SMG1: variants seen among roughly 807,000 people sequenced by gnomAD.
The protein encoded by SMG1 is SMG1 nonsense mediated mRNA decay associated PI3K related kinase.
SMG1 carries 22 observed loss-of-function variants against 419.9 expected under a neutral mutation model. That is an observed-to-expected ratio of 0.05 (90% CI 0.04 to 0.07). The LOEUF (loss-of-function observed/expected upper bound fraction) is 0.07, where lower values mean the gene tolerates loss of function less well. Ranked by LOEUF, SMG1 falls within the 10% of genes least tolerant of loss-of-function variation. The probability of loss-of-function intolerance (pLI) is 1.00; values close to 1 mark genes in which losing one functional copy is unlikely to be tolerated. For missense variants in SMG1, 3,185 were observed against 4,342.0 expected (o/e 0.73, Z 7.49); for synonymous variants, 1,538 against 1,553.5 (o/e 0.99, Z 0.23).
chr16:18,880,332 C>CA (rs886559201), intron 10 of SMG1, among the ~76,000 whole-genome samples: 52 of 152,148 alleles, frequency 3.4e-4, no homozygotes, highest in African/African-American at 1.2e-3. Context: ...GGGGAGAAAA[C>CA]AGAGCAAATG....
chr16:18,865,206 T>G (rs2035435955), intron 23 of SMG1, among the ~76,000 whole-genome samples: 1 of 152,210 alleles, frequency 6.6e-6, no homozygotes, highest in African/African-American at 2.4e-5. Context: ...ATGATCCATG[T>G]TTTAAAAAAT....
In SMG1 at chr16:18,877,252, A is replaced by C. The variant is rs547930663; in HGVS notation, c.1519-20T>G. ...AACAATCTAAAAGAATAAAATTTTTAAAAAATGAGCTTCTCCAATTACAAA... is the reference window on the plus strand; with the variant it reads ...AACAATCTAAAAGAATAAAATTTTTCAAAAATGAGCTTCTCCAATTACAAA... On this transcript the variant is annotated intron_variant, in intron 11 of 62. Coordinates refer to ENST00000446231, the MANE Select transcript of SMG1 (RefSeq NM_015092.5). 1 of 1,482,366 alleles carries C rather than the reference A, an allele frequency of 6.7e-7. No homozygotes were observed. The highest frequency in any genetic ancestry group is 1.4e-5 in the African/African-American group (1 of 71,426). 91.8% of individuals were successfully genotyped at this position (1,482,366 alleles called of 1,614,324 possible).
intron 49 of SMG1, 76 bp from the exon 50 acceptor site, chr16:18,834,514 T>C (rs2033425945): frequency 2.2e-6 from 3 of 1,364,732 alleles, no homozygotes; most frequent in Non-Finnish European, 3.0e-6. Context: ...GTCAAGGCCA[T>C]GCCTGTAATT....
intron 3 of SMG1, among the ~76,000 whole-genome samples, chr16:18,894,469 T>C (rs1418232253): frequency 6.6e-6 from 1 of 152,190 alleles, no homozygotes; most frequent in Non-Finnish European, 1.5e-5. Flanking sequence ...AGGAATTGTT[T>C]ACTGAACTAC....
chr16:18,873,664 C>T (rs114530172), intron 13 of SMG1, among the ~76,000 whole-genome samples: 16 of 152,330 alleles, frequency 1.1e-4, no homozygotes, highest in African/African-American at 3.1e-4. Context: ...CCATAGTTTG[C>T]CGATCTCTGG....
chr16:18,867,240 ACAATTTCTCCTGGC>A (rs1320383095), intron 22 of SMG1, among the ~76,000 whole-genome samples: 3 of 152,134 alleles, frequency 2.0e-5, no homozygotes, highest in Admixed American at 1.3e-4. Context: ...CGTTATAAAA[ACAATTTCTCCTGGC>A]CAAGTGCAGT....
chr16:18,829,233 T>C lies in SMG1; in HGVS notation c.9603+53A>G, dbSNP rs753636592. ...TATTGTTTTAAATTAATTTCCCCCA[T>C]TTTTCAAGTTTCCTACCTTGAGGAA... On this transcript the variant is annotated intron_variant, in intron 54 of 62. Transcript: ENST00000446231. The C allele has an allele frequency of 3.1e-5, 45 of 1,435,500 alleles. No individual in the cohort carries two copies. The Middle Eastern group carries it at 1.8e-3, about 57-fold the overall frequency. 88.9% of individuals were successfully genotyped at this position (1,435,500 alleles called of 1,614,324 possible). A position where few individuals can be genotyped will look rare whatever the true frequency, so the allele number is the denominator to read the frequency against.
chr16:18,843,630 C>T (rs2034053398), intron 39 of SMG1, among the ~76,000 whole-genome samples: 1 of 152,144 alleles, frequency 6.6e-6, no homozygotes. Context: ...TACACAAACA[C>T]ACACACAAAA....
At chr16:18,836,777 T>A (rs542980164) in intron 46 of SMG1, among the ~76,000 whole-genome samples, 2 of 152,234 alleles carry the variant, frequency 1.3e-5, no homozygotes, top group Non-Finnish European at 2.9e-5. Context: ...GGTTAGAGAC[T>A]GATGCTTGAC....
In SMG1 at chr16:18,920,863, C is replaced by T. The variant is rs200534712; in HGVS notation, c.92+5087G>A. ...TCAGAAAAAGAGAGAGGAAGCCAGG[C>T]ATGGTGGCTCACGTCTGTAATCCCA... is the stretch of plus-strand genomic sequence containing the variant. On this transcript the variant is annotated intron_variant, in intron 1 of 62. Transcript: ENST00000446231. 5.7e-4 allele frequency among the ~76,000 whole-genome samples: 87 copies of T among 151,856 alleles called. 1 individual carries two copies. The East Asian group carries it at 0.01, about 18-fold the overall frequency.
chr16:18,853,956 G>A, intron 30 of SMG1, 89 bp from the exon 31 acceptor site: 2 of 1,183,732 alleles, frequency 1.7e-6, no homozygotes, highest in Middle Eastern at 2.0e-4. Context: ...TATCAACATG[G>A]TGATGACACC....
intron 1 of SMG1, among the ~76,000 whole-genome samples, chr16:18,897,424 G>A (rs1377506409): frequency 1.3e-5 from 2 of 152,056 alleles, no homozygotes; most frequent in Non-Finnish European, 1.5e-5. Flanking sequence ...TGTCAGGGAC[G>A]GGCAATGTCT....
At chr16:18,878,781 G>C (rs1397249560) in intron 11 of SMG1, 2 of 152,732 alleles carry the variant, frequency 1.3e-5, no homozygotes, top group Non-Finnish European at 1.5e-5. Flanking sequence ...GCCAAGGCAG[G>C]TGGATTGCTT....
chr16:18,924,211 AAAC>A (rs1351326063), intron 1 of SMG1, among the ~76,000 whole-genome samples: 2 of 152,314 alleles, frequency 1.3e-5, no homozygotes, highest in South Asian at 2.1e-4. Flanking sequence ...CACTTGAAAG[AAAC>A]AACATGGATA....
chr16:18,918,814 C>A (rs562367812), intron 1 of SMG1, among the ~76,000 whole-genome samples: 1 of 152,112 alleles, frequency 6.6e-6, no homozygotes, highest in East Asian at 1.9e-4. Flanking sequence ...GTCAGGAGTT[C>A]AAGACCAGCC....
intron 38 of SMG1, 115 bp downstream of exon 38, chr16:18,847,338 T>C (rs1278670194): frequency 4.7e-6 from 5 of 1,062,368 alleles, no homozygotes; most frequent in Non-Finnish European, 7.0e-6. Flanking sequence ...ATGGTGAATG[T>C]ATTTAATGCC....
intron 13 of SMG1, among the ~76,000 whole-genome samples, chr16:18,873,219 G>A (rs2035919568): frequency 6.6e-6 from 1 of 152,008 alleles, no homozygotes; most frequent in Admixed American, 6.6e-5. Flanking sequence ...TGTGTTCCAA[G>A]AAAACTTTCT....
chr16:18,891,281 C>T (rs753438153), intron 4 of SMG1, among the ~76,000 whole-genome samples: 28 of 152,074 alleles, frequency 1.8e-4, no homozygotes, highest in African/African-American at 5.1e-4. Context: ...AATTAGATGA[C>T]GGGTTTAACA....
Position 18,808,336 on chromosome 16 carries a change from CAT to C in SMG1, c.*1231_*1232del, listed in dbSNP as rs1169822024. Reference sequence around the variant, plus strand: ...GATCTCATTTTCACTGTTTCATGTACATGTCCTAAAATGCCAAGTAAATTAAA... The same window carrying C: ...GATCTCATTTTCACTGTTTCATGTACGTCCTAAAATGCCAAGTAAATTAAA... On this transcript the variant is annotated 3_prime_UTR_variant, in exon 63 of 63. Transcript: ENST00000446231. 1 of 152,124 alleles carries C rather than the reference CAT, an allele frequency of 6.6e-6. No individual in the cohort carries two copies. Among genetic ancestry groups the C allele is most frequent in the Non-Finnish European group, 1.5e-5 (1 of 68,016 alleles). The allele number at this position is 152,124 out of a possible 1,614,324, so 9.4% of individuals were successfully genotyped here.
Sources: gnomAD v4.1 joint callset for allele counts (sites outside exome capture counted in the v4.1 genomes callset) on GRCh38, gnomAD v4.1.1 for gene constraint, MANE v1.5 for transcripts, NCBI Gene and HGNC (gene_info 2026-07-23, HGNC 2026-07-21) for gene names.